The following COBL variants were observed in gnomAD, a reference collection of about 807,000 sequenced individuals.
The protein encoded by COBL is cordon-bleu WH2 repeat protein.
Under a neutral mutation model 98.8 loss-of-function variants are expected in COBL, and 51 were observed. That is an observed-to-expected ratio of 0.52 (90% CI 0.41 to 0.65). COBL has a LOEUF of 0.65. Ranked by LOEUF, COBL falls within the 30% of genes least tolerant of loss-of-function variation. COBL has a pLI of 0.00. For synonymous variants in COBL, 634 were observed against 651.7 expected (o/e 0.97, Z 0.41); for missense variants, 1,617 against 1,617.5 (o/e 1.00, Z 0.01).
intron 2 of COBL, among the ~76,000 whole-genome samples, chr7:51,219,181 G>C (rs996400491): frequency 1.3e-5 from 2 of 152,214 alleles, no homozygotes; most frequent in Admixed American, 1.3e-4. Context: ...GTCCTGAGAA[G>C]AGTGCATGTG....
intron 1 of COBL, among the ~76,000 whole-genome samples, chr7:51,240,609 C>G (rs4948207): frequency 0.28 from 42,223 of 152,000 alleles, 7,471 homozygotes; most frequent in East Asian, 0.67. Context: ...TGCACTGGCG[C>G]GATCGCGGCT....
intron 7 of COBL, among the ~76,000 whole-genome samples, chr7:51,081,133 A>G (rs1256154060): frequency 6.6e-6 from 1 of 152,182 alleles, no homozygotes; most frequent in African/African-American, 2.4e-5. Flanking sequence ...CTGAGTCCCA[A>G]GAAGGGCAAG....
At chr7:51,267,426 C>G (rs528010433) in intron 1 of COBL, among the ~76,000 whole-genome samples, 1 of 151,986 alleles carries the variant, frequency 6.6e-6, no homozygotes, top group Non-Finnish European at 1.5e-5. Context: ...CAGCCCCATC[C>G]GCAAAGACTT....
intron 6 of COBL, among the ~76,000 whole-genome samples, chr7:51,094,837 G>GAAAATATGTACTTTGTGACATC: frequency 6.6e-6 from 1 of 152,304 alleles, no homozygotes; most frequent in South Asian, 2.1e-4. Context: ...TACAAAGTAT[G>GAAAATATGTACTTTGTGACATC]AAAATATGTA....
At chr7:51,170,416 C>T (rs890459144) in intron 5 of COBL, among the ~76,000 whole-genome samples, 2 of 150,636 alleles carry the variant, frequency 1.3e-5, no homozygotes, top group African/African-American at 4.9e-5. Context: ...TTACCCATTC[C>T]TCATGCTTTT....
intron 1 of COBL, among the ~76,000 whole-genome samples, chr7:51,288,171 C>T (rs548366368): frequency 2.0e-5 from 3 of 152,254 alleles, no homozygotes; most frequent in Non-Finnish European, 2.9e-5. Context: ...TGATGGCTCA[C>T]GTCTGTAATC....
intron 1 of COBL, among the ~76,000 whole-genome samples, chr7:51,310,905 C>T (rs1039277886): frequency 6.6e-6 from 1 of 151,990 alleles, no homozygotes; most frequent in Non-Finnish European, 1.5e-5. Flanking sequence ...ATCAACCCAC[C>T]TCGGCCTCCC....
At chr7:51,030,968 C>CCTT (rs1396991665) in intron 8 of COBL, 59 bp from the exon 9 acceptor site, 7 of 1,131,864 alleles carry the variant, frequency 6.2e-6, no homozygotes, top group Non-Finnish European at 9.4e-6. Context: ...TTAATGTACT[C>CCTT]CTTTCCAGGA....
intron 5 of COBL, chr7:51,156,341 A>G: frequency 1.0e-6 from 1 of 985,300 alleles, no homozygotes; most frequent in Non-Finnish European, 1.2e-6. Flanking sequence ...AGTTTATCAA[A>G]TTATCTCAGT....
intron 2 of COBL, among the ~76,000 whole-genome samples, chr7:51,201,854 TC>T (rs1791160779): frequency 6.6e-6 from 1 of 152,226 alleles, no homozygotes; most frequent in East Asian, 1.9e-4. Context: ...TTCTGTGATA[TC>T]ATTTTACCCA....
At chr7:51,110,624 G>GT (rs1410022901) in intron 6 of COBL, among the ~76,000 whole-genome samples, 1 of 152,050 alleles carries the variant, frequency 6.6e-6, no homozygotes, top group Non-Finnish European at 1.5e-5. Flanking sequence ...TGAGGTTTTG[G>GT]TACACCCATC....
chr7:51,118,405 T>C (rs1205283175), intron 6 of COBL, among the ~76,000 whole-genome samples: 2 of 151,872 alleles, frequency 1.3e-5, no homozygotes, highest in Admixed American at 1.3e-4. Context: ...TTGTTGAAAA[T>C]TGCTTCTCTG....
At chr7:51,287,369 A>G (rs1800464356) in intron 1 of COBL, among the ~76,000 whole-genome samples, 1 of 152,248 alleles carries the variant, frequency 6.6e-6, no homozygotes, top group Admixed American at 6.5e-5. Flanking sequence ...ATGGATGGTA[A>G]ATAAACACAT....
intron 5 of COBL, among the ~76,000 whole-genome samples, chr7:51,167,241 T>C (rs573226279): frequency 5.3e-5 from 8 of 152,264 alleles, no homozygotes; most frequent in African/African-American, 1.7e-4. Flanking sequence ...ACTAATAAAT[T>C]CAGTAATGTT....
At chr7:51,264,044 G>A (rs376319638) in intron 1 of COBL, among the ~76,000 whole-genome samples, 2 of 152,128 alleles carry the variant, frequency 1.3e-5, no homozygotes, top group African/African-American at 4.8e-5. Context: ...TTATGTAGCT[G>A]TCAAAAGACA....
intron 6 of COBL, among the ~76,000 whole-genome samples, chr7:51,116,796 C>A (rs1444651184): frequency 6.6e-6 from 1 of 151,954 alleles, no homozygotes; most frequent in African/African-American, 2.4e-5. Flanking sequence ...CTTTATTTTG[C>A]CTTATCCTTG....
At chr7:51,148,192 C>T (rs991398606) in intron 5 of COBL, among the ~76,000 whole-genome samples, 1 of 152,148 alleles carries the variant, frequency 6.6e-6, no homozygotes, top group African/African-American at 2.4e-5. Flanking sequence ...AGAGGAACCT[C>T]TATTTTACTA....
At chr7:51,075,346 A>C (rs1792968352) in intron 7 of COBL, among the ~76,000 whole-genome samples, 1 of 152,178 alleles carries the variant, frequency 6.6e-6, no homozygotes. Context: ...CCTGCTATTG[A>C]CATCAGTCAC....
intron 1 of COBL, among the ~76,000 whole-genome samples, chr7:51,235,851 T>C (rs764537426): frequency 1.3e-5 from 2 of 152,172 alleles, no homozygotes; most frequent in Non-Finnish European, 2.9e-5. Context: ...CTTTTCCAGC[T>C]GACTACCCAC....
Sources: gnomAD v4.1 joint callset for allele counts (sites outside exome capture counted in the v4.1 genomes callset) on GRCh38, gnomAD v4.1.1 for gene constraint, MANE v1.5 for transcripts, NCBI Gene and HGNC (gene_info 2026-07-23, HGNC 2026-07-21) for gene names.